Variants in TTN observed in about 807,000 individuals in gnomAD.
TTN encodes connectin.
TTN carries 1,525 observed loss-of-function variants against 3,223.0 expected under a neutral mutation model. The observed-to-expected ratio is 0.47, with a 90% CI of 0.45 to 0.49. The LOEUF is 0.49. Among genes scored for constraint, TTN ranks in the 20% least tolerant of loss-of-function variants. The pLI, the probability that TTN is intolerant of heterozygous loss-of-function variation, is 0.00. For missense variants in TTN, 40,786 were observed against 43,424.0 expected, an observed-to-expected ratio of 0.94 and a Z score of 5.40; for synonymous variants, 14,094 against 15,161.0, an observed-to-expected ratio of 0.93 and a Z score of 5.17.
In TTN at chr2:178,572,950, T is replaced by A. The variant is rs750460710; in HGVS notation, c.73182A>T (p.Glu24394Asp). The change falls in exon 326 of 363, where the codon GAA becomes GAT. Residue 24394 changes from glutamate (E) to aspartate (D), a missense_variant. Transcript: ENST00000589042. ...YTITGLTENQ[E>D]YKIRIYAMNS... ...TCATGGCATAGATGCGGATCTTATA[T>A]TCCTGATTCTCTGTGAGGCCAGTGA... 12 of 1,613,152 alleles carry A rather than the reference T, an allele frequency of 7.4e-6. No individual in the cohort carries two copies. The highest frequency in any genetic ancestry group is 1.0e-5 in the Non-Finnish European group (12 of 1,179,558).
rs751432909 is a variant in TTN, at chr2:178,738,074, G to C, written c.14371+8C>G. 2.5e-6 allele frequency: 4 copies of C among 1,610,218 alleles called. No individual in the cohort carries two copies. The African/African-American group carries it at 5.3e-5, about 22-fold the overall frequency. On this transcript the variant is annotated splice_region_variant and intron_variant, in intron 49 of 362. Coordinates refer to ENST00000589042, the MANE Select transcript of TTN (RefSeq NM_001267550.2). ...GTGACAACATCTGTGCCAATGTATG[G>C]CATTTACCTGTCACAGTTAGTGTGG...
In TTN at chr2:178,745,297, G is replaced by A. The variant is rs943794369; in HGVS notation, c.11312-3376C>T. 2.0e-5 allele frequency: 25 copies of A among 1,247,176 alleles called. No homozygotes were observed. The African/African-American group carries it at 3.5e-4, about 17-fold the overall frequency. The allele number at this position is 1,247,176 out of a possible 1,614,324, so 77.3% of individuals were successfully genotyped here. On this transcript the variant is annotated intron_variant, in intron 47 of 362. Coordinates refer to ENST00000589042, the MANE Select transcript of TTN (RefSeq NM_001267550.2). ...AAACACTTTGTGGAGGAGGCATGAGGGTAAATAGAAGTACAAACAATTAGG... is the reference window on the plus strand; with the variant it reads ...AAACACTTTGTGGAGGAGGCATGAGAGTAAATAGAAGTACAAACAATTAGG...
chr2:178,638,330 A>T (rs1043562858), intron 223 of TTN, among the ~76,000 whole-genome samples: 4 of 150,738 alleles, frequency 2.7e-5, no homozygotes, highest in African/African-American at 9.7e-5. Context: ...TTATATAAAA[A>T]TATATAAACA....
At position 178,570,840 on chromosome 2, in the gene TTN, C is replaced by T. The variant is rs747022529; in HGVS notation, c.75292G>A (p.Gly25098Arg). 3.7e-6 allele frequency: 6 copies of T among 1,613,538 alleles called. No homozygotes were observed. The Admixed American group carries it at 5.0e-5, about 13-fold the overall frequency. ...ACCTCATCTCTAGCTGTTATTGCTC[C>T]TGTGCTTTCTGAAGGCTCACTAAAC... ...GVFSEPSESTGAITARDEVDP... is the reference protein window; with the variant it reads ...GVFSEPSESTRAITARDEVDP... Residue 25098 changes from glycine (G) to arginine (R), a missense_variant, in exon 326 of 363, where the codon GGA becomes AGA. Coordinates refer to ENST00000589042, the MANE Select transcript of TTN (RefSeq NM_001267550.2).
chr2:178,789,001 A>G (rs1320191242), intron 13 of TTN, among the ~76,000 whole-genome samples: 11 of 152,090 alleles, frequency 7.2e-5, no homozygotes, highest in African/African-American at 2.7e-4. Context: ...CTTGACAGTG[A>G]GTAAGAGTCA....
At chr2:178,648,333 T>C (rs979151854) in intron 213 of TTN, among the ~76,000 whole-genome samples, 4 of 152,122 alleles carry the variant, frequency 2.6e-5, no homozygotes, top group African/African-American at 9.7e-5. Context: ...TGACAATCCT[T>C]GAACATTCTA....
intron 278 of TTN, among the ~76,000 whole-genome samples, chr2:178,606,709 C>T (rs2054943482): frequency 6.6e-6 from 1 of 151,890 alleles, no homozygotes; most frequent in Non-Finnish European, 1.5e-5. Context: ...AAAAACCCGA[C>T]TTCCAATGTG....
In TTN at chr2:178,800,862, C is replaced by T. The variant is rs2094025861; in HGVS notation, c.296-180G>A. The stretch of plus-strand genomic sequence containing the variant: ...AGCAAGAATGGGAGCCAGGAGATTA[C>T]AGAAGGCTTTCTCACCACCATATTT... On this transcript the variant is annotated intron_variant, in intron 3 of 362. Transcript: ENST00000589042. Among the ~76,000 whole-genome samples, 3 of 152,238 alleles carry T rather than the reference C, an allele frequency of 2.0e-5. No individual in the cohort carries two copies. The South Asian group carries it at 6.2e-4, about 32-fold the overall frequency.
chr2:178,732,228 C>T lies in TTN; in HGVS notation c.16741G>A (p.Asp5581Asn), dbSNP rs868601649. 2 of 1,613,858 alleles carry T rather than the reference C, an allele frequency of 1.2e-6. No individual in the cohort carries two copies. The highest frequency in any genetic ancestry group is 1.7e-4 in the Middle Eastern group (1 of 6,058). The change falls in exon 57 of 363, where the codon GAT becomes AAT. Residue 5581 changes from aspartate to asparagine, a missense_variant. Asp to Asn is a conservative substitution (Grantham distance 23). Transcript: ENST00000589042. ...PPIKITWFAN[D>N]REIKESSKHR... Reference sequence around the variant, plus strand: ...TTGCTGCTCTCCTTAATTTCTCTATCATTTGCAAACCATGTTATTTTAATT... The same window carrying T: ...TTGCTGCTCTCCTTAATTTCTCTATTATTTGCAAACCATGTTATTTTAATT...
chr2:178,715,902 G>C, intron 88 of TTN, 128 bp from the exon 89 acceptor site: 1 of 867,936 alleles, frequency 1.2e-6, no homozygotes, highest in Non-Finnish European at 1.7e-6. Flanking sequence ...TGCAGTTCAA[G>C]GAAGAAGAGT....
intron 47 of TTN, chr2:178,751,209 T>C (rs761931487): frequency 6.2e-7 from 1 of 1,609,418 alleles, no homozygotes; most frequent in South Asian, 1.1e-5. Context: ...CTTCTCAAAG[T>C]TCTTGAGCTT....
chr2:178,663,738 C>G (rs749204363), intron 170 of TTN, 28 bp from the exon 171 acceptor site: 2 of 1,611,618 alleles, frequency 1.2e-6, no homozygotes, highest in Non-Finnish European at 1.7e-6. Context: ...AAATTACATT[C>G]AGAAGTTATG....
chr2:178,768,152 C>G lies in TTN; in HGVS notation c.9167G>C (p.Arg3056Pro). 6.2e-7 allele frequency: 1 copy of G among 1,613,926 alleles called. No individual in the cohort carries two copies. The highest frequency in any genetic ancestry group is 8.5e-7 in the Non-Finnish European group (1 of 1,179,970). The part of the protein sequence containing the change: ...TSTATLYVEA[R>P]HIEFRKHIKD... ...AATGTGTTTCCTAAATTCTATATGA[C>G]GAGCTGGAAAATAGCATGTAGAAAA... Residue 3056 changes from arginine (R) to proline (P), a missense_variant, in exon 39 of 363, where the codon CGT (arginine) becomes CCT (proline). Transcript: ENST00000589042.
rs531744221 is a variant in TTN at position 178,791,514 on chromosome 2, C to T, written c.1662+558G>A. 6.6e-5 allele frequency among the ~76,000 whole-genome samples: 10 copies of T among 152,244 alleles called. 1 individual carries two copies. The highest frequency in any genetic ancestry group is 2.4e-4 in the African/African-American group (10 of 41,556). ...GTCCTCACACAGCTCTACGGCACAACAGCAGCAAATGCTTCTAGGTCACTG... is the reference window on the plus strand; with the variant it reads ...GTCCTCACACAGCTCTACGGCACAATAGCAGCAAATGCTTCTAGGTCACTG... On this transcript the variant is annotated intron_variant, in intron 10 of 362. Coordinates refer to ENST00000589042, the MANE Select transcript of TTN (RefSeq NM_001267550.2).
chr2:178,590,484 C>A lies in TTN; in HGVS notation c.61241G>T (p.Gly20414Val). The A allele has an allele frequency of 1.2e-6, 2 of 1,613,074 alleles. No individual in the cohort carries two copies. The highest frequency in any genetic ancestry group is 1.1e-5 in the South Asian group (1 of 91,012). The change falls in exon 304 of 363, where the codon GGC (glycine) becomes GTC (valine). Residue 20414 changes from glycine to valine, a missense_variant. Coordinates refer to ENST00000589042, the MANE Select transcript of TTN (RefSeq NM_001267550.2). ...LGYVVECQKP[G>V]TAQWNRINKD... ...ATTAATCCTGTTCCATTGTGCTGTG[C>A]CAGGTTTCTGACATTCCACTACATA...
chr2:178,540,713 T>A (rs1694008447), intron 350 of TTN, among the ~76,000 whole-genome samples: 1 of 152,082 alleles, frequency 6.6e-6, no homozygotes, highest in South Asian at 2.1e-4. Context: ...GAAGAATTGC[T>A]TGAACCTGGG....
chr2:178,528,533 G>A lies in TTN; in HGVS notation c.107218C>T (p.Leu35740=), dbSNP rs1176056991. 6.2e-7 allele frequency: 1 copy of A among 1,604,018 alleles called. No homozygotes were observed. Among genetic ancestry groups the A allele is most frequent in the Non-Finnish European group, 8.5e-7 (1 of 1,173,948 alleles). ...SPEIEWFKNN[L]PISISSNVSI... ...ATATTCATAATTAAACTTACTGGCA[G>A]GTTGTTTTTAAACCATTCGATTTCA... Residue 35740 remains leucine (L), a synonymous_variant, in exon 360 of 363, where the codon CTG becomes TTG. Coordinates refer to ENST00000589042, the MANE Select transcript of TTN (RefSeq NM_001267550.2).
chr2:178,569,751 T>C lies in TTN; in HGVS notation c.76381A>G (p.Ile25461Val), dbSNP rs1707455514. Residue 25461 changes from isoleucine (I) to valine (V), a missense_variant, in exon 326 of 363, where the codon ATT becomes GTT. Coordinates refer to ENST00000589042, the MANE Select transcript of TTN (RefSeq NM_001267550.2). ...EWTMCTPPTG[I>V]NKTNIEVEKL... ...TCTACTTCTATGTTTGTTTTATTAA[T>C]TCCTGTTGGTGGAGTGCACATTGTC... 6.2e-7 allele frequency: 1 copy of C among 1,613,282 alleles called. No individual in the cohort carries two copies. Among genetic ancestry groups the C allele is most frequent in the Non-Finnish European group, 8.5e-7 (1 of 1,179,622 alleles).
At position 178,619,744 on chromosome 2, in the gene TTN, G is replaced by A. The variant is rs1413462312; in HGVS notation, c.46573C>T (p.His15525Tyr). ...ATCTTTCCTTCACTCATCATCTGGT[G>A]TTTATCACCCTGGACAACAACCATG... is the stretch of plus-strand genomic sequence containing the variant. ...NNMVVVQGDK[H>Y]QMMSEGKIHR... The change falls in exon 250 of 363, where the codon CAC becomes TAC. Residue 15525 changes from histidine (H) to tyrosine (Y), a missense_variant. Transcript: ENST00000589042. The A allele has an allele frequency of 6.2e-7, 1 of 1,612,386 alleles. No individual in the cohort carries two copies. Among genetic ancestry groups the A allele is most frequent in the Admixed American group, 1.7e-5 (1 of 59,920 alleles).
Sources: gnomAD v4.1 joint callset for allele counts (sites outside exome capture counted in the v4.1 genomes callset) on GRCh38, gnomAD v4.1.1 for gene constraint, MANE v1.5 for transcripts, NCBI Gene and HGNC (gene_info 2026-07-23, HGNC 2026-07-21) for gene names.